Variants in DPP10 observed in about 807,000 individuals in gnomAD.
DPP10 encodes the protein inactive dipeptidyl peptidase 10.
DPP10 carries 33 observed loss-of-function variants against 120.9 expected under a neutral mutation model. The observed-to-expected ratio is 0.27, with a 90% CI of 0.21 to 0.37. The LOEUF (loss-of-function observed/expected upper bound fraction) is 0.37. DPP10 is among the 10% of genes least tolerant of loss of function. The probability of loss-of-function intolerance (pLI) is 1.00; values close to 1 mark genes in which losing one functional copy is unlikely to be tolerated. For synonymous variants in DPP10, 337 were observed against 326.1 expected, an observed-to-expected ratio of 1.03 and a Z score of -0.36; for missense variants, 816 against 942.8, an observed-to-expected ratio of 0.87 and a Z score of 1.76.
rs1695113071 is a variant in DPP10, at chr2:114,920,356, T to A, written c.61-388883T>A. On this transcript the variant is annotated intron_variant, in intron 1 of 25. Transcript: ENST00000410059. ...CTCTCATCCAGCTGTGACTCATACC[T>A]CTAAAAAGCACTCCGAGGCTGGCAT... Among the ~76,000 whole-genome samples, 6 of 152,154 alleles carry A rather than the reference T, an allele frequency of 3.9e-5. No individual in the cohort carries two copies. In the South Asian group the frequency reaches 1.2e-3, roughly 31 times the overall value.
At chr2:115,546,447 T>C (rs1160477524) in intron 5 of DPP10, among the ~76,000 whole-genome samples, 1 of 152,178 alleles carries the variant, frequency 6.6e-6, no homozygotes, top group African/African-American at 2.4e-5. Flanking sequence ...TACAATGGGA[T>C]AGAAAATGTA....
chr2:115,540,742 C>T (rs1447333244), intron 5 of DPP10, among the ~76,000 whole-genome samples: 2 of 151,800 alleles, frequency 1.3e-5, no homozygotes, highest in Non-Finnish European at 2.9e-5. Flanking sequence ...CATAATATTT[C>T]AAATACAAAA....
intron 1 of DPP10, among the ~76,000 whole-genome samples, chr2:114,662,928 T>C (rs758676719): frequency 1.3e-5 from 2 of 152,206 alleles, no homozygotes; most frequent in African/African-American, 2.4e-5. Flanking sequence ...CTACTCGCCT[T>C]AAGGCACTTT....
rs2077088727 is a variant in DPP10 at position 115,508,970 on chromosome 2, G to A, written c.366+9366G>A. The stretch of plus-strand genomic sequence containing the variant: ...TTGACTAAGCAAGAATATGGCTTGA[G>A]CATAGTGGGACAGGCATGAGGCATG... On this transcript the variant is annotated intron_variant, in intron 4 of 25. Transcript: ENST00000410059. 2.0e-5 allele frequency among the ~76,000 whole-genome samples: 3 copies of A among 152,176 alleles called. No individual in the cohort carries two copies. The South Asian group carries it at 6.2e-4, about 31-fold the overall frequency.
intron 7 of DPP10, among the ~76,000 whole-genome samples, chr2:115,697,960 G>A (rs534971722): frequency 4.6e-5 from 7 of 152,244 alleles, no homozygotes; most frequent in East Asian, 1.9e-4. Flanking sequence ...CAGCTTGGGC[G>A]AGAGAGCGAG....
intron 1 of DPP10, among the ~76,000 whole-genome samples, chr2:114,812,618 A>ACACAC (rs1558766410): frequency 6.7e-6 from 1 of 149,868 alleles, no homozygotes; most frequent in South Asian, 2.1e-4. Flanking sequence ...ACACACACAC[A>ACACAC]ATTATAATTA....
At chr2:115,235,654 C>G (rs531905592) in intron 1 of DPP10, among the ~76,000 whole-genome samples, 1 of 152,030 alleles carries the variant, frequency 6.6e-6, no homozygotes, top group South Asian at 2.1e-4. Flanking sequence ...CTCCACCTCC[C>G]TGATTCAAGC....
At chr2:115,410,609 G>A (rs1348016560) in intron 3 of DPP10, among the ~76,000 whole-genome samples, 1 of 152,108 alleles carries the variant, frequency 6.6e-6, no homozygotes, top group Non-Finnish European at 1.5e-5. Context: ...ACATGCACCT[G>A]GCACTTAAAA....
At chr2:115,808,148 C>T (rs1489078330) in intron 19 of DPP10, among the ~76,000 whole-genome samples, 12 of 152,296 alleles carry the variant, frequency 7.9e-5, no homozygotes, top group Admixed American at 4.6e-4. Context: ...GCAGCATATA[C>T]GTGTGCGAAA....
intron 4 of DPP10, among the ~76,000 whole-genome samples, chr2:115,510,070 G>A (rs2077145480): frequency 6.6e-6 from 1 of 152,036 alleles, no homozygotes; most frequent in Non-Finnish European, 1.5e-5. Flanking sequence ...TTGCTGAATT[G>A]TAAGATTTTT....
intron 1 of DPP10, among the ~76,000 whole-genome samples, chr2:114,871,505 A>G (rs1690688231): frequency 3.3e-5 from 5 of 152,214 alleles, no homozygotes; most frequent in Admixed American, 3.3e-4. Flanking sequence ...CTTAGAGAAG[A>G]TCTAATAAAG....
At chr2:115,474,205 A>G (rs11123306) in intron 3 of DPP10, among the ~76,000 whole-genome samples, 83,673 of 152,052 alleles carry the variant, frequency 0.55, 24,523 homozygotes, top group Non-Finnish European at 0.67. Flanking sequence ...TTAAATTGCA[A>G]TAGGACACCA....
intron 1 of DPP10, among the ~76,000 whole-genome samples, chr2:115,284,873 T>C (rs1423171133): frequency 1.3e-5 from 2 of 152,064 alleles, no homozygotes; most frequent in African/African-American, 4.8e-5. Context: ...TTAGAACTTA[T>C]CATTCTTCAA....
intron 1 of DPP10, among the ~76,000 whole-genome samples, chr2:114,447,315 C>T (rs934715617): frequency 1.3e-5 from 2 of 152,034 alleles, no homozygotes; most frequent in Non-Finnish European, 2.9e-5. Context: ...TAATTCTATA[C>T]CCCTAACCTA....
intron 1 of DPP10, among the ~76,000 whole-genome samples, chr2:115,229,125 TC>T (rs1164615184): frequency 6.6e-6 from 1 of 152,172 alleles, no homozygotes; most frequent in African/African-American, 2.4e-5. Context: ...TCTCTGATGA[TC>T]AGTGATGTTG....
At chr2:114,743,441 G>A (rs1183538789) in intron 1 of DPP10, among the ~76,000 whole-genome samples, 1 of 149,920 alleles carries the variant, frequency 6.7e-6, no homozygotes, top group East Asian at 1.9e-4. Context: ...AAAGTAGCTC[G>A]TAAAGTTAAG....
chr2:115,030,087 A>G (rs1199257859), intron 1 of DPP10, among the ~76,000 whole-genome samples: 2 of 152,200 alleles, frequency 1.3e-5, no homozygotes, highest in African/African-American at 4.8e-5. Context: ...GAGATACCTC[A>G]GGATCCTACC....
chr2:115,402,751 A>G (rs1475082185), intron 3 of DPP10, among the ~76,000 whole-genome samples: 1 of 150,528 alleles, frequency 6.6e-6, no homozygotes, highest in Non-Finnish European at 1.5e-5. Flanking sequence ...CAAACCATTC[A>G]AAAAAACTGA....
At chr2:115,537,748 C>G (rs1441433922) in intron 5 of DPP10, among the ~76,000 whole-genome samples, 2 of 151,926 alleles carry the variant, frequency 1.3e-5, no homozygotes, top group African/African-American at 4.8e-5. Context: ...ATCATAGATT[C>G]TGCAGATCAG....
Sources: allele counts gnomAD v4.1 joint callset (sites outside exome capture counted in the v4.1 genomes callset), GRCh38; gene constraint gnomAD v4.1.1; transcripts MANE v1.5; gene names NCBI Gene and HGNC (gene_info 2026-07-23, HGNC 2026-07-21).